The following FOXN3 variants were observed in gnomAD, a reference collection of about 807,000 sequenced individuals.
FOXN3 encodes the protein forkhead box N3, also known as forkhead box protein N3.
Under a neutral mutation model 38.4 loss-of-function variants are expected in FOXN3, and 7 were observed. The ratio of observed to expected loss-of-function variants is 0.18; its 90% confidence interval spans 0.10 to 0.34. FOXN3 has a LOEUF of 0.34. FOXN3 is among the 10% of genes least tolerant of loss of function. The pLI, the probability that FOXN3 is intolerant of heterozygous loss-of-function variation, is 1.00. For synonymous variants in FOXN3, 230 were observed against 242.2 expected (o/e 0.95, Z 0.47); for missense variants, 456 against 613.4 (o/e 0.74, Z 2.71).
intron 1 of FOXN3, among the ~76,000 whole-genome samples, chr14:89,498,210 C>CTTTTTTTTTTT (rs547081117): frequency 3.7e-5 from 3 of 81,072 alleles, no homozygotes; most frequent in African/African-American, 1.2e-4. Flanking sequence ...CTCTCTCTCT[C>CTTTTTTTTTTT]TTTTTTTTTT....
At chr14:89,292,737 C>G (rs577191165) in intron 3 of FOXN3, among the ~76,000 whole-genome samples, 1 of 152,092 alleles carries the variant, frequency 6.6e-6, no homozygotes, top group African/African-American at 2.4e-5. Flanking sequence ...TCCAGCATAG[C>G]GAGAGATCTA....
intron 1 of FOXN3, among the ~76,000 whole-genome samples, chr14:89,513,760 G>T (rs1894144152): frequency 6.6e-6 from 1 of 151,590 alleles, no homozygotes; most frequent in Non-Finnish European, 1.5e-5. Flanking sequence ...ACATCCGGCT[G>T]ATTTTTTTGT....
At chr14:89,194,329 T>C (rs17125486) in intron 4 of FOXN3, among the ~76,000 whole-genome samples, 36,127 of 152,038 alleles carry the variant, frequency 0.24, 5,488 homozygotes, top group African/African-American at 0.44. Flanking sequence ...ACTTTCTTGG[T>C]CCAATATCCA....
chr14:89,253,308 T>C (rs1396179828), intron 4 of FOXN3, among the ~76,000 whole-genome samples: 1 of 152,200 alleles, frequency 6.6e-6, no homozygotes, highest in Non-Finnish European at 1.5e-5. Flanking sequence ...GGCATGAAGC[T>C]TCTGGAAGAG....
intron 1 of FOXN3, among the ~76,000 whole-genome samples, chr14:89,445,953 G>T (rs1892483884): frequency 1.3e-5 from 2 of 150,750 alleles, no homozygotes; most frequent in Admixed American, 6.6e-5. Context: ...ATGGTGGGGG[G>T]TGGCGGGGGT....
chr14:89,519,493 C>T (rs1436251592), intron 1 of FOXN3, among the ~76,000 whole-genome samples: 3 of 152,044 alleles, frequency 2.0e-5, no homozygotes, highest in African/African-American at 7.2e-5. Flanking sequence ...GAGCTCTCTG[C>T]GTGTGGTGGA....
chr14:89,577,842 C>T (rs1003366525), intron 1 of FOXN3, among the ~76,000 whole-genome samples: 1 of 152,152 alleles, frequency 6.6e-6, no homozygotes, highest in Non-Finnish European at 1.5e-5. Context: ...GCAATCACAA[C>T]GGTGATTAAT....
chr14:89,477,053 T>C (rs1190612662), intron 1 of FOXN3, among the ~76,000 whole-genome samples: 1 of 152,234 alleles, frequency 6.6e-6, no homozygotes, highest in Non-Finnish European at 1.5e-5. Flanking sequence ...GGCCAACTTT[T>C]TGTTTTGCCA....
At chr14:89,285,808 G>T (rs879114938) in intron 3 of FOXN3, among the ~76,000 whole-genome samples, 1 of 151,712 alleles carries the variant, frequency 6.6e-6, no homozygotes, top group Admixed American at 6.6e-5. Flanking sequence ...TAACACTACA[G>T]AACTGCATAC....
intron 2 of FOXN3, among the ~76,000 whole-genome samples, chr14:89,406,739 T>C (rs1286839375): frequency 1.3e-5 from 2 of 151,242 alleles, no homozygotes; most frequent in Non-Finnish European, 2.9e-5. Context: ...AACCCTTTGA[T>C]GACAATGTTT....
intron 1 of FOXN3, among the ~76,000 whole-genome samples, chr14:89,586,976 C>G (rs1252217833): frequency 6.6e-6 from 1 of 152,234 alleles, no homozygotes; most frequent in African/African-American, 2.4e-5. Context: ...AGAAACAGAA[C>G]CAGCAGATGT....
At chr14:89,561,868 C>T (rs1017258546) in intron 1 of FOXN3, among the ~76,000 whole-genome samples, 2 of 152,214 alleles carry the variant, frequency 1.3e-5, no homozygotes, top group Non-Finnish European at 2.9e-5. Context: ...TTTGCTGCCA[C>T]ATCACTAAGT....
intron 4 of FOXN3, among the ~76,000 whole-genome samples, chr14:89,210,397 C>T (rs1174145804): frequency 2.0e-5 from 3 of 152,176 alleles, no homozygotes; most frequent in Non-Finnish European, 4.4e-5. Flanking sequence ...TGCCTCCATG[C>T]TTCCTGTACA....
chr14:89,567,968 C>A (rs1344084004), intron 1 of FOXN3, among the ~76,000 whole-genome samples: 4 of 151,964 alleles, frequency 2.6e-5, no homozygotes, highest in African/African-American at 7.3e-5. Context: ...GTGATCCACC[C>A]GCCTCGGCCT....
chr14:89,221,722 T>C (rs1219583256), intron 4 of FOXN3, among the ~76,000 whole-genome samples: 1 of 152,214 alleles, frequency 6.6e-6, no homozygotes, highest in Non-Finnish European at 1.5e-5. Context: ...TAAGAGAATT[T>C]TCCAATACAA....
intron 2 of FOXN3, among the ~76,000 whole-genome samples, chr14:89,383,251 A>G (rs902300288): frequency 1.3e-5 from 2 of 152,106 alleles, no homozygotes; most frequent in Non-Finnish European, 2.9e-5. Context: ...AGGCAGAGAA[A>G]TGTCAGGTTC....
upstream of FOXN3, chr14:89,419,367 G>A: frequency 2.8e-6 from 1 of 351,346 alleles, no homozygotes; most frequent in Non-Finnish European, 5.6e-6. Context: ...TCCTGACCTA[G>A]GGTGCAGGGG....
intron 1 of FOXN3, among the ~76,000 whole-genome samples, chr14:89,606,733 C>A: frequency 6.6e-6 from 1 of 152,144 alleles, no homozygotes; most frequent in East Asian, 1.9e-4. Flanking sequence ...GCCTGTAATC[C>A]CAGCTACTCA....
At chr14:89,346,456 A>AAGTT (rs1186518253) in intron 3 of FOXN3, among the ~76,000 whole-genome samples, 1 of 152,136 alleles carries the variant, frequency 6.6e-6, no homozygotes. Context: ...AGTGAGGATC[A>AAGTT]AGTTATTTTT....
Sources: gnomAD v4.1 joint callset for allele counts (sites outside exome capture counted in the v4.1 genomes callset) on GRCh38, gnomAD v4.1.1 for gene constraint, MANE v1.5 for transcripts, NCBI Gene and HGNC (gene_info 2026-07-23, HGNC 2026-07-21) for gene names.